DKK2: variants seen among roughly 807,000 people sequenced by gnomAD.
The protein encoded by DKK2 is dickkopf-related protein 2.
Under a neutral mutation model 28.1 loss-of-function variants are expected in DKK2, and 11 were observed. That is an observed-to-expected ratio of 0.39 (90% CI 0.25 to 0.65). DKK2 has a LOEUF of 0.65. DKK2 is among the 30% of genes least tolerant of loss of function. The pLI is 0.47. For synonymous variants in DKK2, 135 were observed against 126.5 expected (o/e 1.07, Z -0.45); for missense variants, 326 against 335.5 (o/e 0.97, Z 0.22).
intron 1 of DKK2, among the ~76,000 whole-genome samples, chr4:106,927,982 C>T (rs1057329039): frequency 6.6e-6 from 1 of 152,084 alleles, no homozygotes; most frequent in African/African-American, 2.4e-5. Flanking sequence ...GATTCCATCC[C>T]CCCAAAATAG....
chr4:106,979,556 G>A (rs1202629755), intron 1 of DKK2, among the ~76,000 whole-genome samples: 5 of 151,452 alleles, frequency 3.3e-5, no homozygotes, highest in African/African-American at 1.2e-4. Flanking sequence ...AACTTTGGAG[G>A]GAAAAACAGC....
chr4:107,004,550 G>A (rs2110366452), intron 1 of DKK2, among the ~76,000 whole-genome samples: 1 of 152,202 alleles, frequency 6.6e-6, no homozygotes, highest in African/African-American at 2.4e-5. Context: ...GCCTCACTAT[G>A]CAATTCTATA....
chr4:106,943,546 T>C (rs1173999030), intron 1 of DKK2, among the ~76,000 whole-genome samples: 1 of 152,110 alleles, frequency 6.6e-6, no homozygotes, highest in Non-Finnish European at 1.5e-5. Context: ...CAAAAGCTAT[T>C]TATAACCTAT....
chr4:106,984,781 C>G (rs921696851), intron 1 of DKK2, among the ~76,000 whole-genome samples: 1 of 152,114 alleles, frequency 6.6e-6, no homozygotes, highest in Non-Finnish European at 1.5e-5. Context: ...TATCCTTCAA[C>G]GGGTGAATGG....
intron 1 of DKK2, among the ~76,000 whole-genome samples, chr4:106,999,432 C>T (rs1469920201): frequency 1.3e-5 from 2 of 152,178 alleles, no homozygotes. Context: ...CTGCAACCTC[C>T]GCCTCCCAGG....
intron 1 of DKK2, among the ~76,000 whole-genome samples, chr4:106,954,622 A>G (rs917871422): frequency 3.3e-5 from 5 of 152,112 alleles, no homozygotes; most frequent in Non-Finnish European, 7.4e-5. Context: ...CCCAGGTTCA[A>G]GAGATTCTCT....
chr4:106,961,960 T>A (rs2110350663), intron 1 of DKK2, among the ~76,000 whole-genome samples: 1 of 152,314 alleles, frequency 6.6e-6, no homozygotes, highest in East Asian at 1.9e-4. Flanking sequence ...GGGCAAAGCT[T>A]GAGAACATAA....
At chr4:106,993,665 G>T (rs1277940268) in intron 1 of DKK2, among the ~76,000 whole-genome samples, 1 of 151,604 alleles carries the variant, frequency 6.6e-6, no homozygotes. Flanking sequence ...AAGCAACTTT[G>T]GCACTCTTTT....
At chr4:107,001,983 C>CTCACT (rs1237989878) in intron 1 of DKK2, among the ~76,000 whole-genome samples, 1 of 152,186 alleles carries the variant, frequency 6.6e-6, no homozygotes, top group East Asian at 1.9e-4. Flanking sequence ...ACCCGGAAAA[C>CTCACT]TCACTGGTCT....
intron 1 of DKK2, among the ~76,000 whole-genome samples, chr4:106,957,340 T>C (rs1446594955): frequency 1.3e-5 from 2 of 151,810 alleles, no homozygotes; most frequent in Non-Finnish European, 2.9e-5. Context: ...TGGAAGTCAG[T>C]GTGGCGATTC....
chr4:106,985,692 C>T (rs1444628708), intron 1 of DKK2, among the ~76,000 whole-genome samples: 2 of 151,350 alleles, frequency 1.3e-5, no homozygotes, highest in African/African-American at 4.9e-5. Context: ...GCCTGTAATC[C>T]CAACTATACA....
At chr4:106,955,037 G>C (rs555731891) in intron 1 of DKK2, among the ~76,000 whole-genome samples, 29 of 152,120 alleles carry the variant, frequency 1.9e-4, no homozygotes, top group Non-Finnish European at 4.0e-4. Context: ...CTTGAGAATT[G>C]TGTAACAGGG....
At chr4:106,955,263 T>G (rs1426607515) in intron 1 of DKK2, among the ~76,000 whole-genome samples, 4 of 151,298 alleles carry the variant, frequency 2.6e-5, no homozygotes, top group Non-Finnish European at 4.4e-5. Flanking sequence ...AAATGGCCCT[T>G]TTGCCTCTCT....
chr4:106,952,113 A>G (rs903545233), intron 1 of DKK2, among the ~76,000 whole-genome samples: 4 of 152,170 alleles, frequency 2.6e-5, no homozygotes, highest in African/African-American at 9.6e-5. Context: ...ACTTGGCTCC[A>G]GTGAGTGGTG....
chr4:107,010,607 T>TA (rs533602300), intron 1 of DKK2, among the ~76,000 whole-genome samples: 10 of 150,970 alleles, frequency 6.6e-5, no homozygotes, highest in African/African-American at 2.2e-4. Context: ...AACACCAAAC[T>TA]AAAAAAAAGG....
intron 1 of DKK2, among the ~76,000 whole-genome samples, chr4:106,959,122 A>G (rs959963003): frequency 1.3e-5 from 2 of 152,172 alleles, no homozygotes; most frequent in African/African-American, 4.8e-5. Context: ...AACCAAAAAT[A>G]CATGCTCAAT....
At chr4:106,957,324 C>G (rs1445870305) in intron 1 of DKK2, among the ~76,000 whole-genome samples, 7 of 151,490 alleles carry the variant, frequency 4.6e-5, no homozygotes, top group Non-Finnish European at 1.0e-4. Context: ...ACTAGTTCAA[C>G]CATTGTGGAA....
chr4:106,996,473 C>T (rs1723274160), intron 1 of DKK2, among the ~76,000 whole-genome samples: 1 of 152,116 alleles, frequency 6.6e-6, no homozygotes. Context: ...CTGACATAAA[C>T]TATACGAAAT....
At position 106,921,836 on chromosome 4, in the gene DKK2, T is replaced by C. The variant is rs1724347240; in HGVS notation, c.*2118A>G. ...TAGAGGAGAAAAATTTAATAGATTT[T>C]ATCTTATTATACATTTTTCCTAAAT... On this transcript the variant is annotated 3_prime_UTR_variant, in exon 4 of 4. Coordinates refer to ENST00000285311, the MANE Select transcript of DKK2 (RefSeq NM_014421.3). 6.6e-6 allele frequency: 1 copy of C among 152,584 alleles called. No individual in the cohort carries two copies. Among genetic ancestry groups the C allele is most frequent in the African/African-American group, 2.4e-5 (1 of 41,444 alleles). 9.5% of individuals were successfully genotyped at this position (152,584 alleles called of 1,614,324 possible).
Sources: gnomAD v4.1 joint callset for allele counts (sites outside exome capture counted in the v4.1 genomes callset) on GRCh38, gnomAD v4.1.1 for gene constraint, MANE v1.5 for transcripts, NCBI Gene and HGNC (gene_info 2026-07-23, HGNC 2026-07-21) for gene names.